The following LARP4 variants were observed in gnomAD, a reference collection of about 807,000 sequenced individuals.
LARP4 encodes the protein La ribonucleoprotein 4, also known as la-related protein 4.
Under a neutral mutation model 92.9 loss-of-function variants are expected in LARP4, and 29 were observed. The ratio of observed to expected loss-of-function variants is 0.31; its 90% CI spans 0.23 to 0.43. The LOEUF is 0.43. Among genes scored for constraint, LARP4 ranks in the 20% least tolerant of loss-of-function variants. LARP4 has a pLI of 1.00. For synonymous variants in LARP4, 279 were observed against 284.1 expected (o/e 0.98, Z 0.18); for missense variants, 732 against 860.0 (o/e 0.85, Z 1.86).
intron 13 of LARP4, among the ~76,000 whole-genome samples, chr12:50,469,661 C>T (rs973521548): frequency 4.6e-4 from 69 of 148,410 alleles, no homozygotes; most frequent in African/African-American, 1.7e-3. Flanking sequence ...CTGTAATCCC[C>T]GCACTTTGGG....
chr12:50,436,258 A>G (rs2137427200), intron 5 of LARP4, among the ~76,000 whole-genome samples: 1 of 151,462 alleles, frequency 6.6e-6, no homozygotes, highest in Admixed American at 6.6e-5. Flanking sequence ...ATATATATAT[A>G]TATCCTGCTC....
At chr12:50,416,756 A>G (rs1946862615) in intron 1 of LARP4, among the ~76,000 whole-genome samples, 1 of 150,834 alleles carries the variant, frequency 6.6e-6, no homozygotes, top group African/African-American at 2.4e-5. Flanking sequence ...AGGCTGAGGC[A>G]GGCTGATAGA....
At chr12:50,414,207 G>C (rs1946381449) in intron 1 of LARP4, among the ~76,000 whole-genome samples, 1 of 152,120 alleles carries the variant, frequency 6.6e-6, no homozygotes, top group African/African-American at 2.4e-5. Context: ...TCTGTCCTTT[G>C]CACATTTTCC....
intron 10 of LARP4, among the ~76,000 whole-genome samples, chr12:50,459,029 G>GT (rs1163669669): frequency 6.6e-6 from 1 of 152,076 alleles, no homozygotes; most frequent in Non-Finnish European, 1.5e-5. Context: ...ACGGAGTTTT[G>GT]TTTTTGTTGC....
At chr12:50,426,886 C>T (rs1158333775) in intron 1 of LARP4, among the ~76,000 whole-genome samples, 3 of 151,730 alleles carry the variant, frequency 2.0e-5, no homozygotes. Context: ...CTACAGGCGC[C>T]CACCAACACG....
chr12:50,451,504 C>T (rs1953182913), intron 8 of LARP4, among the ~76,000 whole-genome samples: 2 of 152,106 alleles, frequency 1.3e-5, no homozygotes, highest in Admixed American at 6.6e-5. Flanking sequence ...TCAAGACCAG[C>T]CTGGCCAACA....
chr12:50,474,805 A>G (rs528310741), intron 15 of LARP4, among the ~76,000 whole-genome samples: 3 of 152,210 alleles, frequency 2.0e-5, no homozygotes, highest in Non-Finnish European at 2.9e-5. Context: ...TAACAAGTCT[A>G]TAAGTGGCCA....
At chr12:50,418,617 T>G (rs1411151763) in intron 1 of LARP4, among the ~76,000 whole-genome samples, 1 of 151,832 alleles carries the variant, frequency 6.6e-6, no homozygotes, top group Non-Finnish European at 1.5e-5. Context: ...GACAGGGTTG[T>G]GCCACGTTGC....
At chr12:50,450,731 C>T (rs1953041802) in intron 8 of LARP4, among the ~76,000 whole-genome samples, 1 of 152,014 alleles carries the variant, frequency 6.6e-6, no homozygotes, top group African/African-American at 2.4e-5. Flanking sequence ...TGACTCCTGA[C>T]CTCAGGTGAT....
intron 1 of LARP4, among the ~76,000 whole-genome samples, chr12:50,426,318 C>A (rs927706229): frequency 1.8e-4 from 28 of 152,036 alleles, no homozygotes; most frequent in African/African-American, 6.0e-4. Context: ...TTTTTTAGGG[C>A]GTACATATGA....
intron 6 of LARP4, 85 bp downstream of exon 6, chr12:50,437,923 A>T: frequency 1.2e-6 from 1 of 812,352 alleles, no homozygotes; most frequent in East Asian, 2.6e-5. Flanking sequence ...AAAGAAGAAA[A>T]ATTGGAAGAG....
chr12:50,407,417 G>A (rs987481946), intron 1 of LARP4, among the ~76,000 whole-genome samples: 2 of 152,114 alleles, frequency 1.3e-5, no homozygotes, highest in African/African-American at 4.8e-5. Flanking sequence ...CTCTGATTTA[G>A]GGCAAGTCAA....
chr12:50,469,924 G>GA (rs1170635294), intron 13 of LARP4, among the ~76,000 whole-genome samples: 3 of 77,612 alleles, frequency 3.9e-5, no homozygotes, highest in Admixed American at 1.3e-4. Flanking sequence ...AACAGAAAAA[G>GA]AAAAAAAATA....
At chr12:50,416,715 T>C (rs1946853555) in intron 1 of LARP4, among the ~76,000 whole-genome samples, 1 of 151,964 alleles carries the variant, frequency 6.6e-6, no homozygotes, top group South Asian at 2.1e-4. Flanking sequence ...GTGGGCATGG[T>C]GGTGCACGCC....
chr12:50,423,874 C>T (rs540514262), intron 1 of LARP4, among the ~76,000 whole-genome samples: 170 of 152,044 alleles, frequency 1.1e-3, no homozygotes, highest in Non-Finnish European at 1.4e-3. Context: ...GCCTCAGCCT[C>T]CCGAGTAGTA....
Position 50,437,724 on chromosome 12 carries a change from T to C in LARP4, c.536-11T>C, listed in dbSNP as rs1950645702. 6.5e-7 allele frequency: 1 copy of C among 1,535,986 alleles called. No individual in the cohort carries two copies. Among genetic ancestry groups the C allele is most frequent in the Non-Finnish European group, 9.0e-7 (1 of 1,112,998 alleles). On this transcript the variant is annotated splice_polypyrimidine_tract_variant and intron_variant, in intron 5 of 15. Transcript: ENST00000398473. ...TCACGTTTGAGTGATACCCTTTCTTTTAAATTTCAGCTTCTCCCATGGTAC... is the reference window on the plus strand; with the variant it reads ...TCACGTTTGAGTGATACCCTTTCTTCTAAATTTCAGCTTCTCCCATGGTAC...
At chr12:50,469,291 A>G (rs2139010612) in intron 13 of LARP4, among the ~76,000 whole-genome samples, 1 of 152,186 alleles carries the variant, frequency 6.6e-6, no homozygotes, top group Non-Finnish European at 1.5e-5. Flanking sequence ...ACCTTCAAAA[A>G]TCAGACTAAA....
intron 7 of LARP4, 136 bp from the exon 8 acceptor site, chr12:50,441,454 C>T: frequency 1.9e-6 from 1 of 532,548 alleles, no homozygotes; most frequent in South Asian, 3.4e-5. Flanking sequence ...CTTTTTCATT[C>T]CCTGTCCACC....
chr12:50,446,371 C>CCCCCCCCCT (rs1952093006), intron 8 of LARP4, among the ~76,000 whole-genome samples: 1 of 2,770 alleles, frequency 3.6e-4, no homozygotes, highest in African/African-American at 2.2e-3. Context: ...CTCTCTCTCT[C>CCCCCCCCCT]TCTCTCTCTC....
Sources: gnomAD v4.1 joint callset for allele counts (sites outside exome capture counted in the v4.1 genomes callset) on GRCh38, gnomAD v4.1.1 for gene constraint, MANE v1.5 for transcripts, NCBI Gene and HGNC (gene_info 2026-07-23, HGNC 2026-07-21) for gene names.